Variants in AOPEP observed in about 807,000 individuals in gnomAD.
AOPEP encodes aminopeptidase O.
Under a neutral mutation model 98.1 loss-of-function variants are expected in AOPEP, and 77 were observed. That is an observed-to-expected ratio of 0.78 (90% confidence interval 0.65 to 0.95). The LOEUF (loss-of-function observed/expected upper bound fraction) is 0.95, where lower values mean the gene tolerates loss of function less well. AOPEP is among the 40% of genes least tolerant of loss of function. AOPEP has a pLI of 0.00. For missense variants in AOPEP, 1,024 were observed against 1,024.7 expected, an observed-to-expected ratio of 1.00 and a Z score of 0.01; for synonymous variants, 346 against 365.3, an observed-to-expected ratio of 0.95 and a Z score of 0.60.
At chr9:95,014,325 T>C (rs772554805) in intron 13 of AOPEP, among the ~76,000 whole-genome samples, 10 of 151,820 alleles carry the variant, frequency 6.6e-5, no homozygotes, top group Admixed American at 1.3e-4. Flanking sequence ...AACACAAAAA[T>C]TAGCTGGACG....
chr9:95,037,384 T>C (rs1194130029), intron 13 of AOPEP, among the ~76,000 whole-genome samples: 1 of 152,228 alleles, frequency 6.6e-6, no homozygotes, highest in Non-Finnish European at 1.5e-5. Context: ...AATATTTTTC[T>C]CCTTGACACC....
the AOPEP span, chr9:95,107,306 G>C: frequency 6.3e-7 from 1 of 1,598,100 alleles, no homozygotes; most frequent in Non-Finnish European, 8.6e-7. Flanking sequence ...AGGTTAGGAA[G>C]AGGCAGGACA....
At chr9:94,963,450 G>A (rs986619976) in intron 9 of AOPEP, among the ~76,000 whole-genome samples, 1 of 152,078 alleles carries the variant, frequency 6.6e-6, no homozygotes, top group Non-Finnish European at 1.5e-5. Context: ...GACCTGATTG[G>A]CATATAGATT....
At chr9:94,761,092 C>T (rs1838173668) in intron 2 of AOPEP, among the ~76,000 whole-genome samples, 1 of 151,810 alleles carries the variant, frequency 6.6e-6, no homozygotes. Context: ...TGACTTTTGT[C>T]AGTTTTCATG....
intron 5 of AOPEP, among the ~76,000 whole-genome samples, chr9:94,816,216 T>A (rs1181988255): frequency 6.6e-6 from 1 of 152,164 alleles, no homozygotes; most frequent in Non-Finnish European, 1.5e-5. Context: ...CCAGTTGGGG[T>A]CATTGTTAGG....
chr9:94,896,952 T>G (rs1168589516), intron 5 of AOPEP, among the ~76,000 whole-genome samples: 1 of 151,742 alleles, frequency 6.6e-6, no homozygotes, highest in East Asian at 1.9e-4. Flanking sequence ...ACTTTTGTGT[T>G]TCTAAAACTA....
chr9:94,940,533 C>T (rs561597922), intron 7 of AOPEP, among the ~76,000 whole-genome samples: 3 of 152,122 alleles, frequency 2.0e-5, no homozygotes, highest in African/African-American at 7.2e-5. Context: ...ACCTGAGAGG[C>T]AGAGGCTGAA....
the AOPEP span, chr9:95,135,282 T>C: frequency 6.6e-7 from 1 of 1,513,592 alleles, no homozygotes; most frequent in East Asian, 2.3e-5. Context: ...ATTCTCTGAC[T>C]AAAAGAAATG....
At chr9:94,895,229 T>TAAAAAAAAAA (rs1486733465) in intron 5 of AOPEP, among the ~76,000 whole-genome samples, 1 of 25,274 alleles carries the variant, frequency 4.0e-5, no homozygotes, top group African/African-American at 7.5e-5. Flanking sequence ...TAAAAAAAAA[T>TAAAAAAAAAA]AAAATAAAAT....
intron 13 of AOPEP, among the ~76,000 whole-genome samples, chr9:95,055,041 T>A (rs1327997682): frequency 6.6e-6 from 1 of 152,196 alleles, no homozygotes; most frequent in Non-Finnish European, 1.5e-5. Flanking sequence ...CATATAAAGG[T>A]TTTTCTTTTC....
intron 5 of AOPEP, among the ~76,000 whole-genome samples, chr9:94,801,397 G>A (rs1848188480): frequency 6.6e-6 from 1 of 152,200 alleles, no homozygotes; most frequent in African/African-American, 2.4e-5. Flanking sequence ...TTGGTCCCAA[G>A]GCCACAGGCT....
intron 1 of AOPEP, among the ~76,000 whole-genome samples, chr9:94,741,127 A>G (rs1376849570): frequency 2.0e-5 from 3 of 152,126 alleles, no homozygotes; most frequent in Non-Finnish European, 4.4e-5. Flanking sequence ...AATTCAGGTA[A>G]TAGAAGGTTG....
intron 2 of AOPEP, among the ~76,000 whole-genome samples, chr9:94,762,905 C>G (rs868559409): frequency 6.6e-6 from 1 of 152,174 alleles, no homozygotes; most frequent in Non-Finnish European, 1.5e-5. Context: ...TTATCAGGAT[C>G]ACAATACTTT....
At chr9:95,005,084 G>A in intron 11 of AOPEP, 74 bp from the exon 12 acceptor site, 1 of 753,324 alleles carries the variant, frequency 1.3e-6, no homozygotes, top group Non-Finnish European at 1.7e-6. Context: ...CGGGCACGCC[G>A]AGTTAGCGGG....
chr9:94,829,169 A>G (rs1387739086), intron 5 of AOPEP, among the ~76,000 whole-genome samples: 1 of 151,926 alleles, frequency 6.6e-6, no homozygotes, highest in Non-Finnish European at 1.5e-5. Context: ...GTGCCTGGCC[A>G]CTAAGTTTCA....
chr9:94,840,717 G>T (rs534465613), intron 5 of AOPEP, among the ~76,000 whole-genome samples: 1 of 152,066 alleles, frequency 6.6e-6, no homozygotes, highest in East Asian at 1.9e-4. Flanking sequence ...TCCTGGGAGA[G>T]TTTTGGAAGT....
At chr9:95,070,284 G>A (rs1422953212) in intron 14 of AOPEP, among the ~76,000 whole-genome samples, 1 of 152,212 alleles carries the variant, frequency 6.6e-6, no homozygotes, top group Non-Finnish European at 1.5e-5. Flanking sequence ...AAGCAGGTTT[G>A]TTTATTGCAG....
chr9:95,080,361 A>G (rs1176045199), intron 14 of AOPEP, among the ~76,000 whole-genome samples: 1 of 152,106 alleles, frequency 6.6e-6, no homozygotes, highest in East Asian at 1.9e-4. Flanking sequence ...CCCCGTCTCT[A>G]CAAAAATTAG....
intron 7 of AOPEP, among the ~76,000 whole-genome samples, chr9:94,954,330 A>T (rs922892169): frequency 2.0e-5 from 3 of 152,002 alleles, no homozygotes; most frequent in Non-Finnish European, 2.9e-5. Context: ...GACTCGAAGG[A>T]AAAAAAAGAC....
Sources: allele counts gnomAD v4.1 joint callset (sites outside exome capture counted in the v4.1 genomes callset), GRCh38; gene constraint gnomAD v4.1.1; transcripts MANE v1.5; gene names NCBI Gene and HGNC (gene_info 2026-07-23, HGNC 2026-07-21).